Variants in CNTNAP2 observed in about 807,000 individuals in gnomAD.
CNTNAP2 encodes contactin-associated protein-like 2.
In CNTNAP2, 98 loss-of-function variants were observed where a neutral mutation model predicts 155.2. The ratio of observed to expected loss-of-function variants is 0.63; its 90% CI spans 0.54 to 0.75. CNTNAP2 has a LOEUF of 0.75. Among genes scored for constraint, CNTNAP2 ranks in the 30% least tolerant of loss-of-function variants. The pLI is 0.00. For missense variants in CNTNAP2, 1,727 were observed against 1,688.1 expected (o/e 1.02, Z -0.40); for synonymous variants, 651 against 631.2 (o/e 1.03, Z -0.47).
intron 11 of CNTNAP2, among the ~76,000 whole-genome samples, chr7:147,503,932 T>A (rs1016017868): frequency 6.6e-6 from 1 of 152,206 alleles, no homozygotes; most frequent in Non-Finnish European, 1.5e-5. Context: ...GAGGAGAGTA[T>A]GTTAGGTATT....
intron 21 of CNTNAP2, among the ~76,000 whole-genome samples, chr7:148,342,544 T>C (rs914526697): frequency 3.9e-5 from 6 of 152,264 alleles, no homozygotes; most frequent in African/African-American, 1.4e-4. Flanking sequence ...TATCTGTGCA[T>C]ACATGCACAA....
intron 1 of CNTNAP2, among the ~76,000 whole-genome samples, chr7:146,140,993 C>T (rs746594345): frequency 5.3e-5 from 8 of 152,144 alleles, no homozygotes; most frequent in Non-Finnish European, 1.2e-4. Context: ...TGCAAAATCT[C>T]TTTACAAATT....
At chr7:148,030,866 T>C (rs1802464736) in intron 15 of CNTNAP2, among the ~76,000 whole-genome samples, 1 of 151,902 alleles carries the variant, frequency 6.6e-6, no homozygotes, top group African/African-American at 2.4e-5. Context: ...TTCATCTGAG[T>C]CAGGAGGAAA....
At chr7:146,759,714 T>TGG (rs1802057558) in intron 1 of CNTNAP2, among the ~76,000 whole-genome samples, 1 of 49,704 alleles carries the variant, frequency 2.0e-5, no homozygotes, top group Non-Finnish European at 4.0e-5. Context: ...AAAAAAAAGG[T>TGG]GGGTGGGGTG....
chr7:147,683,826 C>CTT (rs895816297), intron 13 of CNTNAP2, among the ~76,000 whole-genome samples: 1 of 141,050 alleles, frequency 7.1e-6, no homozygotes. Context: ...AATTCCTCTT[C>CTT]TTTTTTTTTT....
At chr7:146,980,961 C>T (rs1798004383) in intron 3 of CNTNAP2, among the ~76,000 whole-genome samples, 1 of 152,070 alleles carries the variant, frequency 6.6e-6, no homozygotes, top group Admixed American at 6.6e-5. Flanking sequence ...TTTTTCTACC[C>T]CTTAGCCTAG....
chr7:147,915,184 A>G (rs937743846), intron 14 of CNTNAP2, among the ~76,000 whole-genome samples: 2 of 152,192 alleles, frequency 1.3e-5, no homozygotes, highest in African/African-American at 2.4e-5. Flanking sequence ...CAACAACAAA[A>G]CCAAACAAAG....
At chr7:147,774,110 G>C (rs1166676317) in intron 13 of CNTNAP2, among the ~76,000 whole-genome samples, 2 of 152,054 alleles carry the variant, frequency 1.3e-5, no homozygotes, top group Non-Finnish European at 1.5e-5. Context: ...TGCCACAGTA[G>C]TTAATAATGC....
At chr7:147,296,980 T>A (rs893422967) in intron 8 of CNTNAP2, among the ~76,000 whole-genome samples, 4 of 152,188 alleles carry the variant, frequency 2.6e-5, no homozygotes, top group African/African-American at 7.2e-5. Flanking sequence ...TGAAGAGATA[T>A]ACTTCATTTA....
intron 9 of CNTNAP2, among the ~76,000 whole-genome samples, chr7:147,388,508 A>G (rs548442184): frequency 7.2e-5 from 11 of 152,352 alleles, no homozygotes; most frequent in African/African-American, 4.8e-5. Flanking sequence ...ATCTATCTAC[A>G]TATAGTGAAA....
At chr7:147,681,808 A>C (rs533405964) in intron 13 of CNTNAP2, among the ~76,000 whole-genome samples, 1 of 151,962 alleles carries the variant, frequency 6.6e-6, no homozygotes, top group South Asian at 2.1e-4. Context: ...AGAGAGAGAG[A>C]GAGAGACTAC....
intron 13 of CNTNAP2, among the ~76,000 whole-genome samples, chr7:147,816,069 C>T (rs1007434893): frequency 1.2e-4 from 18 of 152,210 alleles, no homozygotes; most frequent in Admixed American, 2.6e-4. Flanking sequence ...AAAAATGCAA[C>T]GATCTGTTTC....
chr7:148,098,444 G>GAAAAAAAAAA (rs61014019), intron 15 of CNTNAP2, among the ~76,000 whole-genome samples: 6 of 56,406 alleles, frequency 1.1e-4, no homozygotes, highest in African/African-American at 4.0e-4. Context: ...CTCTGTCTCA[G>GAAAAAAAAAA]AAAAAAAAAA....
intron 2 of CNTNAP2, among the ~76,000 whole-genome samples, chr7:146,804,888 G>C (rs1412504575): frequency 1.3e-5 from 2 of 152,114 alleles, no homozygotes; most frequent in Admixed American, 6.6e-5. Flanking sequence ...GTAAGTTCAG[G>C]GAGGCTTTCT....
At chr7:146,910,643 C>A (rs954183113) in intron 3 of CNTNAP2, among the ~76,000 whole-genome samples, 1 of 150,360 alleles carries the variant, frequency 6.7e-6, no homozygotes, top group Non-Finnish European at 1.5e-5. Context: ...ACACCTTATA[C>A]AAAAATCAAT....
chr7:147,378,345 C>G (rs2116927105), intron 9 of CNTNAP2, among the ~76,000 whole-genome samples: 1 of 151,870 alleles, frequency 6.6e-6, no homozygotes, highest in South Asian at 2.1e-4. Flanking sequence ...ATAAGAATGT[C>G]TAATAATTAT....
chr7:147,734,487 T>A (rs1584927166), intron 13 of CNTNAP2, among the ~76,000 whole-genome samples: 2 of 152,272 alleles, frequency 1.3e-5, no homozygotes, highest in East Asian at 3.9e-4. Flanking sequence ...CTTTTTTTGT[T>A]GTGTCTCTGC....
At chr7:146,950,467 C>T (rs1301490520) in intron 3 of CNTNAP2, among the ~76,000 whole-genome samples, 4 of 152,062 alleles carry the variant, frequency 2.6e-5, no homozygotes, top group African/African-American at 9.7e-5. Flanking sequence ...CCAACAGGCA[C>T]CGATGTGTGA....
At chr7:147,397,761 A>C (rs904335792) in intron 10 of CNTNAP2, among the ~76,000 whole-genome samples, 2 of 141,254 alleles carry the variant, frequency 1.4e-5, no homozygotes, top group Non-Finnish European at 3.0e-5. Context: ...AGATACAGAG[A>C]TACACAAAAT....
Sources: gnomAD v4.1 joint callset for allele counts (sites outside exome capture counted in the v4.1 genomes callset) on GRCh38, gnomAD v4.1.1 for gene constraint, MANE v1.5 for transcripts, NCBI Gene and HGNC (gene_info 2026-07-23, HGNC 2026-07-21) for gene names.